SNCAIP: variants seen among roughly 807,000 people sequenced by gnomAD.
SNCAIP encodes synuclein alpha interacting protein.
A neutral mutation model predicts 86.7 loss-of-function variants in SNCAIP; 43 were observed. The ratio of observed to expected loss-of-function variants is 0.50; its 90% CI spans 0.39 to 0.64. SNCAIP has a LOEUF of 0.64. Among genes scored for constraint, SNCAIP ranks in the 30% least tolerant of loss-of-function variants. SNCAIP has a pLI of 0.00. For missense variants in SNCAIP, 981 were observed against 1,103.1 expected (o/e 0.89, Z 1.57); for synonymous variants, 417 against 427.2 (o/e 0.98, Z 0.29).
At chr5:122,448,248 T>C (rs1475502969) in intron 8 of SNCAIP, among the ~76,000 whole-genome samples, 1 of 152,184 alleles carries the variant, frequency 6.6e-6, no homozygotes, top group African/African-American at 2.4e-5. Context: ...GTCATTTTTT[T>C]CTGCTAATTG....
At chr5:122,369,349 A>G (rs896512110) in intron 1 of SNCAIP, among the ~76,000 whole-genome samples, 5 of 152,194 alleles carry the variant, frequency 3.3e-5, no homozygotes, top group Admixed American at 6.5e-5. Context: ...GAGGAACCCA[A>G]TGTACTTTGA....
At chr5:122,364,828 T>C (rs1424163461) in intron 1 of SNCAIP, among the ~76,000 whole-genome samples, 1 of 152,214 alleles carries the variant, frequency 6.6e-6, no homozygotes, top group Non-Finnish European at 1.5e-5. Flanking sequence ...GAAAACTGTG[T>C]GACCATAGGC....
intron 6 of SNCAIP, chr5:122,436,415 A>G (rs796804447): frequency 9.2e-5 from 14 of 152,268 alleles, no homozygotes; most frequent in African/African-American, 3.4e-4. Context: ...ATTCCTATCA[A>G]TATTATTCAG....
At chr5:122,362,495 A>G (rs1762386606) in intron 1 of SNCAIP, among the ~76,000 whole-genome samples, 1 of 152,216 alleles carries the variant, frequency 6.6e-6, no homozygotes, top group Admixed American at 6.5e-5. Flanking sequence ...AACCAGAGCT[A>G]TCTAGAGGAA....
intron 5 of SNCAIP, among the ~76,000 whole-genome samples, chr5:122,428,295 C>CAA (rs944984090): frequency 6.6e-6 from 1 of 152,098 alleles, no homozygotes; most frequent in Non-Finnish European, 1.5e-5. Context: ...CTTTGGCAGG[C>CAA]AAAAATCTCC....
intron 1 of SNCAIP, among the ~76,000 whole-genome samples, chr5:122,346,258 A>T (rs1758604852): frequency 6.6e-6 from 1 of 152,208 alleles, no homozygotes. Context: ...TGGAAGTGTT[A>T]GCAATTGAAA....
In SNCAIP at chr5:122,350,027, C is replaced by G. The variant is rs1477978930; in HGVS notation, c.-47+37743C>G. Among the ~76,000 whole-genome samples, 3 of 152,088 alleles carry G rather than the reference C, an allele frequency of 2.0e-5. No homozygotes were observed. In the East Asian group the frequency reaches 5.8e-4, roughly 29 times the overall value. ...ATATTAGATAGACACCCAGCAAGTT[C>G]TTATGAAGTTAGGGAATAATGGAAA... On this transcript the variant is annotated intron_variant, in intron 1 of 10. Transcript: ENST00000261368.
At chr5:122,393,571 T>C (rs147052987) in intron 2 of SNCAIP, among the ~76,000 whole-genome samples, 1,614 of 152,240 alleles carry the variant, frequency 0.011, 24 homozygotes, top group African/African-American at 0.037. Context: ...CCCAGAAACA[T>C]TTAACAATAC....
chr5:122,358,996 T>G (rs911812685), intron 1 of SNCAIP, among the ~76,000 whole-genome samples: 5 of 152,210 alleles, frequency 3.3e-5, no homozygotes, highest in Non-Finnish European at 5.9e-5. Flanking sequence ...GATTCTTAGC[T>G]TTTTAATGGT....
At chr5:122,377,413 C>G (rs1434942459) in intron 1 of SNCAIP, among the ~76,000 whole-genome samples, 1 of 151,856 alleles carries the variant, frequency 6.6e-6, no homozygotes, top group Non-Finnish European at 1.5e-5. Flanking sequence ...AGCATGAATT[C>G]TTTCTTTCTT....
In SNCAIP at chr5:122,440,725, T is replaced by A; in HGVS notation, c.1393T>A (p.Ser465Thr). The A allele has an allele frequency of 1.9e-6, 3 of 1,613,930 alleles. No individual in the cohort carries two copies. Among genetic ancestry groups the A allele is most frequent in the Non-Finnish European group, 2.5e-6 (3 of 1,179,774 alleles). The change falls in exon 7 of 11, where the codon TCA becomes ACA. Residue 465 changes from serine to threonine, a missense_variant. By Grantham distance (58) the Ser-to-Thr change is moderately conservative. Coordinates refer to ENST00000261368, the MANE Select transcript of SNCAIP (RefSeq NM_005460.4). ...QDGNSAVHVA[S>T]QHGYLGCIQT... is the part of the protein sequence containing the mutation. ...TGGCAACAGTGCCGTTCACGTAGCC[T>A]CACAGCATGGCTACCTTGGATGCAT...
At chr5:122,451,875 A>T in intron 10 of SNCAIP, 1 of 391,656 alleles carries the variant, frequency 2.6e-6, no homozygotes, top group Non-Finnish European at 4.6e-6. Context: ...TAAATGGCCT[A>T]ATCTTTAGGT....
At chr5:122,395,275 A>G (rs1273334958) in intron 2 of SNCAIP, among the ~76,000 whole-genome samples, 1 of 152,184 alleles carries the variant, frequency 6.6e-6, no homozygotes, top group Non-Finnish European at 1.5e-5. Context: ...ACACAGCCAC[A>G]TATATACACA....
At chr5:122,386,920 G>A (rs988646509) in intron 1 of SNCAIP, among the ~76,000 whole-genome samples, 7 of 151,998 alleles carry the variant, frequency 4.6e-5, no homozygotes, top group Admixed American at 1.3e-4. Flanking sequence ...ATTTCAATCC[G>A]TGGACAATAC....
intron 1 of SNCAIP, chr5:122,389,408 T>C (rs1435424419): frequency 1.3e-5 from 2 of 152,074 alleles, no homozygotes; most frequent in African/African-American, 4.8e-5. Flanking sequence ...TGAAAAGAAA[T>C]TGGATTGGAA....
chr5:122,328,185 G>A (rs1341926678), intron 1 of SNCAIP, among the ~76,000 whole-genome samples: 1 of 152,148 alleles, frequency 6.6e-6, no homozygotes, highest in African/African-American at 2.4e-5. Flanking sequence ...CTTTTTCAAT[G>A]AATGTGATTA....
intron 3 of SNCAIP, among the ~76,000 whole-genome samples, chr5:122,413,260 A>G (rs530075929): frequency 9.2e-5 from 14 of 152,228 alleles, no homozygotes; most frequent in African/African-American, 3.4e-4. Flanking sequence ...GCTTGCTTTG[A>G]CTCTGACCCA....
chr5:122,420,482 A>C (rs1776156205), intron 3 of SNCAIP, among the ~76,000 whole-genome samples: 1 of 152,152 alleles, frequency 6.6e-6, no homozygotes, highest in South Asian at 2.1e-4. Context: ...TCTGAGATGC[A>C]CATTTTCTAG....
chr5:122,409,609 G>A (rs897893863), intron 3 of SNCAIP, among the ~76,000 whole-genome samples: 2 of 152,126 alleles, frequency 1.3e-5, no homozygotes, highest in African/African-American at 4.8e-5. Flanking sequence ...TTTAAACTTG[G>A]TGTCTGGCAT....
Sources: gnomAD v4.1 joint callset for allele counts (sites outside exome capture counted in the v4.1 genomes callset) on GRCh38, gnomAD v4.1.1 for gene constraint, MANE v1.5 for transcripts, NCBI Gene and HGNC (gene_info 2026-07-23, HGNC 2026-07-21) for gene names.